STUB1: variants seen among roughly 807,000 people sequenced by gnomAD.
STUB1 encodes the protein STIP1 homology and U-box containing protein 1.
In STUB1, 37 loss-of-function variants were observed where a neutral mutation model predicts 40.3. The ratio of observed to expected loss-of-function variants is 0.92; its 90% CI spans 0.71 to 1.21. The LOEUF (loss-of-function observed/expected upper bound fraction) is 1.21. STUB1 is among the 50% of genes most tolerant of loss of function. The pLI is 0.00. For synonymous variants in STUB1, 246 were observed against 171.9 expected (o/e 1.43, Z -3.37); for missense variants, 460 against 421.9 (o/e 1.09, Z -0.79).
rs2039636070 is a variant in STUB1 at position 680,730 on chromosome 16, G to A, written c.159+46G>A. The A allele has an allele frequency of 8.4e-7, 1 of 1,193,294 alleles. No individual in the cohort carries two copies. Among genetic ancestry groups the A allele is most frequent in the Admixed American group, 4.5e-5 (1 of 22,094 alleles). 73.9% of individuals were successfully genotyped at this position (1,193,294 alleles called of 1,614,324 possible). A position where few individuals can be genotyped will look rare whatever the true frequency, so the allele number is the denominator to read the frequency against. The stretch of plus-strand genomic sequence containing the variant: ...AGGGCGGCGGCGGTGGCACCGGGGA[G>A]GGCCGGGCCCGGGCCCGGCCGGCCC... On this transcript the variant is annotated intron_variant, in intron 1 of 6. Coordinates refer to ENST00000219548, the MANE Select transcript of STUB1 (RefSeq NM_005861.4). This position sits in a 1 kb window ranked among gnomAD's most constrained non-coding sequence, Gnocchi z 4.9.
intron 4 of STUB1, 30 bp downstream of exon 4, chr16:681,910 C>CTG (rs770731909): frequency 1.2e-6 from 2 of 1,611,770 alleles, no homozygotes; most frequent in South Asian, 1.1e-5. Context: ...ACATGTGGGT[C>CTG]TGTGTGTGTG....
At chr16:682,106 T>G in intron 5 of STUB1, 30 bp downstream of exon 5, 1 of 1,582,934 alleles carries the variant, frequency 6.3e-7, no homozygotes, top group Non-Finnish European at 8.6e-7. Context: ...TGCCGATGGC[T>G]GGCAGGTGCT....
chr16:682,649 C>G lies in STUB1; in HGVS notation c.*160C>G, dbSNP rs1204519665. 3 of 1,404,332 alleles carry G rather than the reference C, an allele frequency of 2.1e-6. No individual in the cohort carries two copies. Among genetic ancestry groups the G allele is most frequent in the African/African-American group, 1.4e-5 (1 of 71,068 alleles). 87.0% of individuals were successfully genotyped at this position (1,404,332 alleles called of 1,614,324 possible). On this transcript the variant is annotated 3_prime_UTR_variant, in exon 7 of 7. Coordinates refer to ENST00000219548, the MANE Select transcript of STUB1 (RefSeq NM_005861.4). The stretch of plus-strand genomic sequence containing the variant: ...CCTCTCAGCATCGCTTTTGCTGGGC[C>G]GTGATCGTCCCCCTTTGTGGGCTGG...
chr16:682,156 G>A lies in STUB1; in HGVS notation c.670-9G>A. 1.2e-6 allele frequency: 2 copies of A among 1,602,686 alleles called. No homozygotes were observed. Among genetic ancestry groups the A allele is most frequent in the Non-Finnish European group, 1.7e-6 (2 of 1,170,912 alleles). On this transcript the variant is annotated splice_polypyrimidine_tract_variant and intron_variant, in intron 5 of 6. Coordinates refer to ENST00000219548, the MANE Select transcript of STUB1 (RefSeq NM_005861.4). Reference sequence around the variant, plus strand: ...TTTCAGCCTCTGACCGTGTGCCCCTGTGCCACAGAAGCGAGACATCCCCGA... The same window carrying A: ...TTTCAGCCTCTGACCGTGTGCCCCTATGCCACAGAAGCGAGACATCCCCGA...
chr16:681,990 C>G (rs755200477), intron 4 of STUB1, 30 bp from the exon 5 acceptor site: 6 of 1,610,490 alleles, frequency 3.7e-6, no homozygotes, highest in Non-Finnish European at 5.1e-6. Flanking sequence ...TGGGGTGTCT[C>G]CCCCAAGCAC....
intron 1 of STUB1, 76 bp from the exon 2 acceptor site, chr16:681,076 G>C: frequency 7.0e-7 from 1 of 1,423,882 alleles, no homozygotes; most frequent in Non-Finnish European, 9.5e-7. Flanking sequence ...GAGCGCAGAA[G>C]CTGGGACGGG....
chr16:680,949 A>C lies in STUB1; in HGVS notation c.160-203A>C. Reference sequence around the variant, plus strand: ...GCCCGGACTCTCCAAAGATTTGGAAAACTTTACAAAACCAAGTGGAATCAA... The same window carrying C: ...GCCCGGACTCTCCAAAGATTTGGAACACTTTACAAAACCAAGTGGAATCAA... On this transcript the variant is annotated intron_variant, in intron 1 of 6. Transcript: ENST00000219548. The surrounding 1 kb of genome is among the most constrained non-coding windows in gnomAD (Gnocchi z 4.9). 1 of 696,058 alleles carries C rather than the reference A, an allele frequency of 1.4e-6. No homozygotes were observed. The highest frequency in any genetic ancestry group is 2.0e-5 in the South Asian group (1 of 49,190). The allele number at this position is 696,058 out of a possible 1,614,324, so 43.1% of individuals were successfully genotyped here.
rs200611869 is a variant in STUB1 at position 680,490 on chromosome 16, C to T, written c.-36C>T. 2.5e-6 allele frequency: 3 copies of T among 1,195,592 alleles called. No individual in the cohort carries two copies. The highest frequency in any genetic ancestry group is 7.2e-5 in the East Asian group (2 of 27,904). 74.1% of individuals were successfully genotyped at this position (1,195,592 alleles called of 1,614,324 possible). A position where few individuals can be genotyped will look rare whatever the true frequency, so the allele number is the denominator to read the frequency against. On this transcript the variant is annotated 5_prime_UTR_variant, in exon 1 of 7. Coordinates refer to ENST00000219548, the MANE Select transcript of STUB1 (RefSeq NM_005861.4). This position sits in a 1 kb window ranked among gnomAD's most constrained non-coding sequence, Gnocchi z 4.9. ...GGGCGCTGGGCCGCGAGGCGCGGAG[C>T]TTGGGAGCGGAGCCCAGGCCGTGCC...
rs1555475175 is a variant in STUB1 at position 681,889 on chromosome 16, G to GCCCCCCACCCACATGTGGGTC, written c.612+10_612+30dup. The GCCCCCCACCCACATGTGGGTC allele has an allele frequency of 9.3e-6, 15 of 1,612,834 alleles. No individual in the cohort carries two copies. Among genetic ancestry groups the GCCCCCCACCCACATGTGGGTC allele is most frequent in the Non-Finnish European group, 1.3e-5 (15 of 1,179,936 alleles). On this transcript the variant is annotated intron_variant, in intron 4 of 6. Coordinates refer to ENST00000219548, the MANE Select transcript of STUB1 (RefSeq NM_005861.4). ...GCATTGAGGCCAAGCACGTGAGGGT[G>GCCCCCCACCCACATGTGGGTC]CCCCCCACCCACATGTGGGTCTGTG...
Position 681,825 on chromosome 16 carries a change from G to A in STUB1, c.557G>A (p.Gly186Asp), listed in dbSNP as rs776700179. The A allele has an allele frequency of 4.4e-6, 7 of 1,609,098 alleles. No individual in the cohort carries two copies. Among genetic ancestry groups the A allele is most frequent in the Admixed American group, 1.7e-5 (1 of 59,846 alleles). The change falls in exon 4 of 7, where the codon GGT becomes GAT. Residue 186 changes from glycine (G) to aspartate (D), a missense_variant. By Grantham distance (94) the Gly-to-Asp change is moderately conservative. Coordinates refer to ENST00000219548, the MANE Select transcript of STUB1 (RefSeq NM_005861.4). ...ELEECQRNHE[G>D]DEDDSHVRAQ... ...GAAGAGTGCCAGCGAAACCACGAGGGTGATGAGGACGACAGCCACGTCCGG... is the reference window on the plus strand; with the variant it reads ...GAAGAGTGCCAGCGAAACCACGAGGATGATGAGGACGACAGCCACGTCCGG...
Position 680,752 on chromosome 16 carries a change from G to A in STUB1, c.159+68G>A. On this transcript the variant is annotated intron_variant, in intron 1 of 6. Coordinates refer to ENST00000219548, the MANE Select transcript of STUB1 (RefSeq NM_005861.4). The surrounding 1 kb of genome is among the most constrained non-coding windows in gnomAD (Gnocchi z 4.9). ...GGAGGGCCGGGCCCGGGCCCGGCCG[G>A]CCCCACCGAGGGTCTGGCTCCTCTT... 8.6e-7 allele frequency: 1 copy of A among 1,156,326 alleles called. No individual in the cohort carries two copies. 71.6% of individuals were successfully genotyped at this position (1,156,326 alleles called of 1,614,324 possible).
Position 682,783 on chromosome 16 carries a change from A to T in STUB1, c.*294A>T, listed in dbSNP as rs940734845. The stretch of plus-strand genomic sequence containing the variant: ...CTGGTGTGTGACCGGCAGTCCTGCC[A>T]GCTGTTTTGGCTAGCCGAGGAAGGT... On this transcript the variant is annotated 3_prime_UTR_variant, in exon 7 of 7. Coordinates refer to ENST00000219548, the MANE Select transcript of STUB1 (RefSeq NM_005861.4). The T allele has an allele frequency of 1.2e-6, 2 of 1,612,702 alleles. No individual in the cohort carries two copies. The highest frequency in any genetic ancestry group is 2.7e-5 in the African/African-American group (2 of 74,938).
In STUB1 at chr16:681,448, G is replaced by A. The variant is rs993139757; in HGVS notation, c.369G>A (p.Leu123=). Residue 123 remains leucine (L), a synonymous_variant, in exon 3 of 7, where the codon CTG becomes CTA. Coordinates refer to ENST00000219548, the MANE Select transcript of STUB1 (RefSeq NM_005861.4). ...AIANLQRAYS[L]AKEQRLNFGD... ...GCCCCCGTTCCCCAGCTTACAGCCT[G>A]GCCAAGGAGCAGCGGCTGAACTTCG... 1.2e-6 allele frequency: 2 copies of A among 1,611,988 alleles called. No individual in the cohort carries two copies. The highest frequency in any genetic ancestry group is 2.7e-5 in the African/African-American group (2 of 74,946).
In STUB1 at chr16:681,444, G is replaced by T. The variant is rs373392008; in HGVS notation, c.365G>T (p.Ser122Ile). The T allele has an allele frequency of 6.2e-7, 1 of 1,611,692 alleles. No homozygotes were observed. Among genetic ancestry groups the T allele is most frequent in the East Asian group, 2.2e-5 (1 of 44,858 alleles). ...TGAAGCCCCCGTTCCCCAGCTTACA[G>T]CCTGGCCAAGGAGCAGCGGCTGAAC... ...EAIANLQRAYSLAKEQRLNFG... is the reference protein window; with the variant it reads ...EAIANLQRAYILAKEQRLNFG... The change falls in exon 3 of 7, where the codon AGC becomes ATC. Residue 122 changes from serine (S) to isoleucine (I), a missense_variant. Ser to Ile is a moderately radical substitution (Grantham distance 142, BLOSUM62 -2). Coordinates refer to ENST00000219548, the MANE Select transcript of STUB1 (RefSeq NM_005861.4).
At position 680,950 on chromosome 16, in the gene STUB1, A is replaced by C. The variant is rs1383579726; in HGVS notation, c.160-202A>C. ...CCCGGACTCTCCAAAGATTTGGAAA[A>C]CTTTACAAAACCAAGTGGAATCAAG... On this transcript the variant is annotated intron_variant, in intron 1 of 6. Coordinates refer to ENST00000219548, the MANE Select transcript of STUB1 (RefSeq NM_005861.4). This position sits in a 1 kb window ranked among gnomAD's most constrained non-coding sequence, Gnocchi z 4.9. The C allele has an allele frequency of 1.4e-6, 1 of 697,146 alleles. No homozygotes were observed. The highest frequency in any genetic ancestry group is 2.3e-6 in the Non-Finnish European group (1 of 434,072). 43.2% of individuals were successfully genotyped at this position (697,146 alleles called of 1,614,324 possible). A position where few individuals can be genotyped will look rare whatever the true frequency, so the allele number is the denominator to read the frequency against.
Position 681,508 on chromosome 16 carries a change from G to A in STUB1, c.429G>A (p.Lys143=), listed in dbSNP as rs1300730677. The change falls in exon 3 of 7, where the codon AAG becomes AAA. Residue 143 remains lysine, a synonymous_variant. Transcript: ENST00000219548. ...DDIPSALRIA[K]KKRWNSIEER... ...TCCCCAGCGCTCTTCGAATCGCGAA[G>A]AAGAAGCGCTGGAACAGCATTGAGG... 2.5e-6 allele frequency: 4 copies of A among 1,612,632 alleles called. No homozygotes were observed. The highest frequency in any genetic ancestry group is 3.4e-6 in the Non-Finnish European group (4 of 1,179,966).
intron 2 of STUB1, 24 bp downstream of exon 2, chr16:681,374 G>T: frequency 6.2e-7 from 1 of 1,611,926 alleles, no homozygotes; most frequent in Non-Finnish European, 8.5e-7. Flanking sequence ...CTGCCCGGTT[G>T]TGGGGCCTCT....
At position 682,076 on chromosome 16, in the gene STUB1, GGTGA is replaced by G. The variant is rs1429034514; in HGVS notation, c.669+4_669+7del. 8 of 1,583,012 alleles carry G rather than the reference GGTGA, an allele frequency of 5.1e-6. No individual in the cohort carries two copies. The highest frequency in any genetic ancestry group is 2.3e-5 in the East Asian group (1 of 44,306). ...TTTCTCAGGTGGATGAGAAGAGGAA[GGTGA>G]GTGTGTGTCGCTTGCTGCCGATGGC... On this transcript the variant is annotated splice_donor_variant and splice_donor_region_variant and intron_variant, in intron 5 of 6. Coordinates refer to ENST00000219548, the MANE Select transcript of STUB1 (RefSeq NM_005861.4). LOFTEE classifies it high-confidence loss of function.
rs2151503994 is a variant in STUB1 at position 680,954 on chromosome 16, T to C, written c.160-198T>C. The C allele has an allele frequency of 2.8e-6, 2 of 712,732 alleles. No homozygotes were observed. The highest frequency in any genetic ancestry group is 2.2e-6 in the Non-Finnish European group (1 of 447,616). The allele number at this position is 712,732 out of a possible 1,614,324, so 44.2% of individuals were successfully genotyped here. A position where few individuals can be genotyped will look rare whatever the true frequency, so the allele number is the denominator to read the frequency against. On this transcript the variant is annotated intron_variant, in intron 1 of 6. Coordinates refer to ENST00000219548, the MANE Select transcript of STUB1 (RefSeq NM_005861.4). This position sits in a 1 kb window ranked among gnomAD's most constrained non-coding sequence, Gnocchi z 4.9. ...GACTCTCCAAAGATTTGGAAAACTTTACAAAACCAAGTGGAATCAAGCGGA... is the reference window on the plus strand; with the variant it reads ...GACTCTCCAAAGATTTGGAAAACTTCACAAAACCAAGTGGAATCAAGCGGA...
Sources: allele counts gnomAD v4.1 joint callset, GRCh38; gene constraint gnomAD v4.1.1; non-coding constraint Gnocchi (gnomAD v3.1); transcripts MANE v1.5; gene names NCBI Gene and HGNC (gene_info 2026-07-23, HGNC 2026-07-21).